The following C9orf85 variants were observed in gnomAD, a reference collection of about 807,000 sequenced individuals.
The protein encoded by C9orf85 is chromosome 9 open reading frame 85, also known as uncharacterized protein C9orf85.
Under a neutral mutation model 14.9 loss-of-function variants are expected in C9orf85, and 16 were observed. The ratio of observed to expected loss-of-function variants is 1.08; its 90% CI spans 0.73 to 1.63. The LOEUF is 1.63. Ranked by LOEUF, C9orf85 falls within the 40% of genes most tolerant of loss-of-function variation. The probability of loss-of-function intolerance (pLI) is 0.00; values close to 1 mark genes in which losing one functional copy is unlikely to be tolerated. For missense variants in C9orf85, 172 were observed against 186.1 expected (o/e 0.92, Z 0.44); for synonymous variants, 45 against 56.8 (o/e 0.79, Z 0.93).
At chr9:71,977,825 T>C (rs1251775038), downstream of C9orf85, among the ~76,000 whole-genome samples, 2 of 152,210 alleles carry the variant, frequency 1.3e-5, no homozygotes, top group African/African-American at 4.8e-5. Context: ...TTTTACTGGC[T>C]ACACTGATGG....
chr9:71,912,879 C>CA (rs1184577322), intron 1 of C9orf85, among the ~76,000 whole-genome samples: 4 of 151,948 alleles, frequency 2.6e-5, no homozygotes, highest in Admixed American at 1.3e-4. Context: ...GACTCCGTCT[C>CA]AAAAAACAAA....
At chr9:71,946,571 A>T (rs1000758947) in intron 1 of C9orf85, among the ~76,000 whole-genome samples, 1 of 151,974 alleles carries the variant, frequency 6.6e-6, no homozygotes, top group Non-Finnish European at 1.5e-5. Flanking sequence ...GAGGCGGGTG[A>T]ATCATGAGCT....
chr9:71,945,304 A>G lies in C9orf85; in HGVS notation c.103-1702A>G, dbSNP rs1302750465. On this transcript the variant is annotated intron_variant, in intron 1 of 3. Transcript: ENST00000334731. ...TCCATGATAACTATTAATAAGTACAAAGGTTGAGAGGACGAAGAGTTTGGT... is the reference window on the plus strand; with the variant it reads ...TCCATGATAACTATTAATAAGTACAGAGGTTGAGAGGACGAAGAGTTTGGT... Among the ~76,000 whole-genome samples, 8 of 152,172 alleles carry G rather than the reference A, an allele frequency of 5.3e-5. 1 individual carries two copies. Among genetic ancestry groups the G allele is most frequent in the Non-Finnish European group, 1.2e-4 (8 of 68,028 alleles).
chr9:71,936,897 C>A (rs1828204528), intron 1 of C9orf85, among the ~76,000 whole-genome samples: 1 of 151,492 alleles, frequency 6.6e-6, no homozygotes, highest in African/African-American at 2.4e-5. Context: ...TAGCTGGGAC[C>A]ACAGGTGTGC....
At chr9:71,967,943 C>T (rs1003331694) in intron 2 of C9orf85, among the ~76,000 whole-genome samples, 2 of 151,946 alleles carry the variant, frequency 1.3e-5, no homozygotes, top group Non-Finnish European at 2.9e-5. Context: ...TTGTTATAAA[C>T]GGATGTTATA....
At chr9:71,917,245 T>C (rs550935768) in intron 1 of C9orf85, among the ~76,000 whole-genome samples, 3 of 152,328 alleles carry the variant, frequency 2.0e-5, no homozygotes, top group African/African-American at 7.2e-5. Flanking sequence ...ATACTAAACA[T>C]TGCTTGTTTG....
intron 1 of C9orf85, among the ~76,000 whole-genome samples, chr9:71,946,629 C>A (rs1822093555): frequency 6.6e-6 from 1 of 151,778 alleles, no homozygotes; most frequent in Admixed American, 6.6e-5. Context: ...CCTGTCTCTA[C>A]TAAAATACAA....
intron 1 of C9orf85, among the ~76,000 whole-genome samples, chr9:71,936,065 GT>G (rs963456962): frequency 6.6e-6 from 1 of 151,890 alleles, no homozygotes; most frequent in African/African-American, 2.4e-5. Flanking sequence ...AGTGACCTAA[GT>G]TTTTTTATCT....
chr9:71,912,485 T>G (rs1482916637), intron 1 of C9orf85, among the ~76,000 whole-genome samples: 3 of 152,116 alleles, frequency 2.0e-5, no homozygotes, highest in African/African-American at 4.8e-5. Flanking sequence ...TGGCTCAAAG[T>G]GCTGTAATCC....
intron 2 of C9orf85, among the ~76,000 whole-genome samples, chr9:71,966,476 T>C (rs949336702): frequency 6.6e-6 from 1 of 152,162 alleles, no homozygotes; most frequent in African/African-American, 2.4e-5. Context: ...AATTTAAAAT[T>C]TTTCCTTACC....
chr9:71,914,814 C>T (rs1302604674), intron 1 of C9orf85, among the ~76,000 whole-genome samples: 2 of 152,228 alleles, frequency 1.3e-5, no homozygotes, highest in Admixed American at 6.5e-5. Context: ...GTAACCTCCT[C>T]TTCCCTGGGG....
At chr9:71,933,755 T>C (rs1048514009) in intron 1 of C9orf85, among the ~76,000 whole-genome samples, 3 of 152,238 alleles carry the variant, frequency 2.0e-5, no homozygotes, top group African/African-American at 7.2e-5. Context: ...TGCTGGCGCA[T>C]AGACCTCAGA....
downstream of C9orf85, among the ~76,000 whole-genome samples, chr9:71,974,225 C>G (rs367874468): frequency 6.8e-6 from 1 of 146,010 alleles, no homozygotes; most frequent in African/African-American, 2.5e-5. Flanking sequence ...CCATGCCAGG[C>G]CATATTTTTT....
At chr9:71,924,919 A>G (rs1178009339) in intron 1 of C9orf85, among the ~76,000 whole-genome samples, 1 of 152,218 alleles carries the variant, frequency 6.6e-6, no homozygotes, top group African/African-American at 2.4e-5. Context: ...GTAAGTTGTC[A>G]TCTATTATTG....
At chr9:71,915,830 C>T (rs1303809323) in intron 1 of C9orf85, among the ~76,000 whole-genome samples, 1 of 152,150 alleles carries the variant, frequency 6.6e-6, no homozygotes, top group African/African-American at 2.4e-5. Flanking sequence ...TTTTAAATGG[C>T]TGTGTAATAT....
Position 71,911,659 on chromosome 9 carries a change from C to A in C9orf85, c.-76C>A. The stretch of plus-strand genomic sequence containing the variant: ...GGGTCATTGACAGAAGCGTCAATTC[C>A]TGGGAGTAGTTCGTTGGTTTTCTTT... On this transcript the variant is annotated 5_prime_UTR_variant, in exon 1 of 4. It adds an upstream start codon to the 5' untranslated region. Transcript: ENST00000334731. 7.9e-7 allele frequency: 1 copy of A among 1,260,460 alleles called. No homozygotes were observed. 78.1% of individuals were successfully genotyped at this position (1,260,460 alleles called of 1,614,324 possible). A position where few individuals can be genotyped will look rare whatever the true frequency, so the allele number is the denominator to read the frequency against.
intron 1 of C9orf85, among the ~76,000 whole-genome samples, chr9:71,925,620 T>C (rs1827912732): frequency 6.6e-6 from 1 of 152,006 alleles, no homozygotes; most frequent in Non-Finnish European, 1.5e-5. Context: ...GGAAAAAATA[T>C]AGGGAGGCAA....
chr9:71,931,943 A>G (rs1828080737), intron 1 of C9orf85, among the ~76,000 whole-genome samples: 2 of 152,166 alleles, frequency 1.3e-5, no homozygotes, highest in Admixed American at 6.5e-5. Flanking sequence ...AGTGGTTCTT[A>G]GACTTTGGTG....
At chr9:71,951,548 G>C (rs563732179) in intron 2 of C9orf85, among the ~76,000 whole-genome samples, 1 of 152,320 alleles carries the variant, frequency 6.6e-6, no homozygotes, top group Middle Eastern at 3.4e-3. Flanking sequence ...ACTACTCCCT[G>C]CGGGAGGGCT....
Sources: gnomAD v4.1 joint callset for allele counts (sites outside exome capture counted in the v4.1 genomes callset) on GRCh38, gnomAD v4.1.1 for gene constraint, MANE v1.5 for transcripts, NCBI Gene and HGNC (gene_info 2026-07-23, HGNC 2026-07-21) for gene names.